WWOX: variants seen among roughly 807,000 people sequenced by gnomAD.
WWOX encodes the protein WW domain containing oxidoreductase.
Under a neutral mutation model 46.2 loss-of-function variants are expected in WWOX, and 69 were observed. That is an observed-to-expected ratio of 1.49 (90% CI 1.23 to 1.82). WWOX has a LOEUF of 1.82. Among genes scored for constraint, WWOX ranks in the 40% most tolerant of loss-of-function variants. The probability of loss-of-function intolerance (pLI) is 0.00; values close to 1 mark genes in which losing one functional copy is unlikely to be tolerated. For missense variants in WWOX, 919 were observed against 542.6 expected (o/e 1.69, Z -6.89); for synonymous variants, 359 against 202.6 (o/e 1.77, Z -6.56).
At chr16:78,303,114 G>A (rs761877122) in intron 5 of WWOX, among the ~76,000 whole-genome samples, 12 of 152,226 alleles carry the variant, frequency 7.9e-5, no homozygotes, top group East Asian at 1.9e-4. Flanking sequence ...CAGAATTGTT[G>A]CTCACTTTTT....
chr16:78,862,688 G>A (rs1465986066), intron 8 of WWOX, among the ~76,000 whole-genome samples: 1 of 152,076 alleles, frequency 6.6e-6, no homozygotes, highest in East Asian at 1.9e-4. Context: ...TCCAAGGGCA[G>A]GAGAAGCTGA....
At chr16:78,175,105 G>A (rs61110577) in intron 5 of WWOX, among the ~76,000 whole-genome samples, 4,047 of 152,088 alleles carry the variant, frequency 0.027, 174 homozygotes, top group African/African-American at 0.093. Context: ...TCCGTAGAGG[G>A]CAGAAAGGTG....
At chr16:79,173,373 T>C (rs992952043) in intron 8 of WWOX, among the ~76,000 whole-genome samples, 2 of 152,194 alleles carry the variant, frequency 1.3e-5, no homozygotes, top group Admixed American at 1.3e-4. Flanking sequence ...GGTGCAGATA[T>C]GTGATTCTTA....
chr16:78,510,025 G>A (rs1412412771), intron 8 of WWOX, among the ~76,000 whole-genome samples: 2 of 151,922 alleles, frequency 1.3e-5, no homozygotes, highest in East Asian at 3.9e-4. Flanking sequence ...TTGTGCCACT[G>A]CTCTCTGGCC....
chr16:78,354,389 C>T (rs539592966), intron 5 of WWOX, among the ~76,000 whole-genome samples: 3 of 134,162 alleles, frequency 2.2e-5, no homozygotes, highest in South Asian at 4.6e-4. Context: ...AAATGACTTT[C>T]CAGAGGGACT....
chr16:78,863,988 C>T (rs976894965), intron 8 of WWOX, among the ~76,000 whole-genome samples: 10 of 152,128 alleles, frequency 6.6e-5, no homozygotes, highest in Non-Finnish European at 1.2e-4. Flanking sequence ...TATTTTTCTC[C>T]TTTCATCTGT....
chr16:78,857,648 T>C (rs1020084290), intron 8 of WWOX, among the ~76,000 whole-genome samples: 2 of 152,206 alleles, frequency 1.3e-5, no homozygotes, highest in Non-Finnish European at 1.5e-5. Flanking sequence ...GTCATTTCAT[T>C]TTCCTATAAA....
At chr16:78,618,545 G>A (rs2046087217) in intron 8 of WWOX, among the ~76,000 whole-genome samples, 1 of 152,022 alleles carries the variant, frequency 6.6e-6, no homozygotes, top group South Asian at 2.1e-4. Context: ...TATTTTACCT[G>A]AACTGTCTCT....
chr16:78,442,034 G>A (rs148731759), intron 8 of WWOX, among the ~76,000 whole-genome samples: 15 of 151,700 alleles, frequency 9.9e-5, no homozygotes, highest in Non-Finnish European at 2.1e-4. Flanking sequence ...CAGTTGAGGA[G>A]GCCAAGCTGG....
At position 79,017,113 on chromosome 16, in the gene WWOX, C is replaced by T. The variant is rs139578571; in HGVS notation, c.1057-194495C>T. The T allele has an allele frequency of 2.6e-5, 4 of 152,180 alleles. No homozygotes were observed. The East Asian group carries it at 5.8e-4, about 22-fold the overall frequency. 9.4% of individuals were successfully genotyped at this position (152,180 alleles called of 1,614,324 possible). On this transcript the variant is annotated intron_variant, in intron 8 of 8. Coordinates refer to ENST00000566780, the MANE Select transcript of WWOX (RefSeq NM_016373.4). ...TTCTCTAGCTAGTTATCTATCCATC[C>T]ATCTCTTGCCTTGTCCACAGAAGTT...
intron 8 of WWOX, among the ~76,000 whole-genome samples, chr16:78,724,168 T>C (rs760964991): frequency 6.6e-6 from 1 of 152,218 alleles, no homozygotes; most frequent in Non-Finnish European, 1.5e-5. Flanking sequence ...TCCCGGTTCA[T>C]ATCTCACTCC....
chr16:79,111,729 G>A (rs373912277), intron 8 of WWOX, among the ~76,000 whole-genome samples: 12 of 152,190 alleles, frequency 7.9e-5, no homozygotes, highest in African/African-American at 2.4e-4. Flanking sequence ...GGAGGTCACA[G>A]TGACAAAAGT....
At chr16:78,555,122 C>G (rs1223724386) in intron 8 of WWOX, among the ~76,000 whole-genome samples, 1 of 144,918 alleles carries the variant, frequency 6.9e-6, no homozygotes, top group South Asian at 2.2e-4. Context: ...ATCTCTCTTT[C>G]TCTCTGTCTT....
chr16:78,803,422 A>G lies in WWOX; in HGVS notation c.1056+370670A>G, dbSNP rs575094041. ...ATATGGAGGTTTTAAATTTGTGCAG[A>G]AAAGTATTACGTGGGTTTCAAAGGT... On this transcript the variant is annotated intron_variant, in intron 8 of 8. Transcript: ENST00000566780. Among the ~76,000 whole-genome samples the G allele has an allele frequency of 9.9e-5, 15 of 152,230 alleles. No individual in the cohort carries two copies. In the South Asian group the frequency reaches 3.1e-3, roughly 32 times the overall value.
At chr16:78,841,838 C>T (rs1189802010) in intron 8 of WWOX, among the ~76,000 whole-genome samples, 1 of 152,080 alleles carries the variant, frequency 6.6e-6, no homozygotes, top group Non-Finnish European at 1.5e-5. Flanking sequence ...TTATGTTATT[C>T]ATGAATTTTA....
At chr16:78,486,585 G>GTTTTCTTTTGTTTTC (rs1555547961) in intron 8 of WWOX, among the ~76,000 whole-genome samples, 2 of 151,132 alleles carry the variant, frequency 1.3e-5, no homozygotes, top group African/African-American at 4.9e-5. Flanking sequence ...GTTTTGTTTT[G>GTTTTCTTTTGTTTTC]TTTTGTTTTG....
chr16:79,087,902 G>C (rs1567541120), intron 8 of WWOX, among the ~76,000 whole-genome samples: 1 of 152,130 alleles, frequency 6.6e-6, no homozygotes, highest in Non-Finnish European at 1.5e-5. Flanking sequence ...AGGATGTTCT[G>C]GACTCAAGGA....
intron 8 of WWOX, among the ~76,000 whole-genome samples, chr16:79,132,020 C>T (rs1191125677): frequency 1.3e-5 from 2 of 151,964 alleles, no homozygotes; most frequent in Non-Finnish European, 2.9e-5. Context: ...CAGTTGTCTC[C>T]CTCCAGGTCC....
chr16:79,196,502 G>A (rs572778812), intron 8 of WWOX: 2 of 152,228 alleles, frequency 1.3e-5, no homozygotes, highest in African/African-American at 4.8e-5. Flanking sequence ...TTGGGCAAAA[G>A]GAGAAAATGC....
Sources: allele counts gnomAD v4.1 joint callset (sites outside exome capture counted in the v4.1 genomes callset), GRCh38; gene constraint gnomAD v4.1.1; transcripts MANE v1.5; gene names NCBI Gene and HGNC (gene_info 2026-07-23, HGNC 2026-07-21).